The following GET4 variants were observed in gnomAD, a reference collection of about 807,000 sequenced individuals.
GET4 encodes the protein Golgi to ER traffic protein 4 homolog.
A neutral mutation model predicts 40.0 loss-of-function variants in GET4; 20 were observed. That is an observed-to-expected ratio of 0.50 (90% CI 0.35 to 0.73). The LOEUF (loss-of-function observed/expected upper bound fraction) is 0.73. Ranked by LOEUF, GET4 falls within the 30% of genes least tolerant of loss-of-function variation. The probability of loss-of-function intolerance (pLI) is 0.01; values close to 1 mark genes in which losing one functional copy is unlikely to be tolerated. For synonymous variants in GET4, 280 were observed against 194.6 expected, an observed-to-expected ratio of 1.44 and a Z score of -3.65; for missense variants, 557 against 454.0, an observed-to-expected ratio of 1.23 and a Z score of -2.06.
chr7:877,226 C>T (rs1180910197), intron 1 of GET4, among the ~76,000 whole-genome samples: 3 of 134,418 alleles, frequency 2.2e-5, no homozygotes, highest in Non-Finnish European at 3.1e-5. Context: ...TCTCTCTGGC[C>T]TTCTCCTTCT....
chr7:876,734 T>C lies in GET4; in HGVS notation c.89T>C (p.Leu30Pro), dbSNP rs2128625523. The C allele has an allele frequency of 7.2e-7, 1 of 1,379,718 alleles. No individual in the cohort carries two copies. The highest frequency in any genetic ancestry group is 9.5e-7 in the Non-Finnish European group (1 of 1,051,302). The allele number at this position is 1,379,718 out of a possible 1,614,324, so 85.5% of individuals were successfully genotyped here. A position where few individuals can be genotyped will look rare whatever the true frequency, so the allele number is the denominator to read the frequency against. Residue 30 changes from leucine (L) to proline (P), a missense_variant, in exon 1 of 9, where the codon CTG (leucine) becomes CCG (proline). Physicochemically the swap from Leu to Pro is moderately conservative, Grantham distance 98. Coordinates refer to ENST00000265857, the MANE Select transcript of GET4 (RefSeq NM_015949.3). ...RGGVQRVEGK[L>P]RASVEKGDYY... ...GGCGTCCAGCGTGTGGAGGGCAAGC[T>C]GCGCGCCAGCGTCGAGAAGGGCGAC... is the stretch of plus-strand genomic sequence containing the variant.
At chr7:881,489 T>G (rs1033007633) in intron 1 of GET4, 91 of 152,264 alleles carry the variant, frequency 6.0e-4, no homozygotes, top group African/African-American at 1.8e-3. Context: ...GCTGGGAGAC[T>G]CCTCCTGGAG....
At chr7:886,340 G>T in intron 2 of GET4, 1 of 605,208 alleles carries the variant, frequency 1.7e-6, no homozygotes, top group Non-Finnish European at 2.9e-6. Context: ...GTTTGTGCAC[G>T]ATGGGGCTGA....
chr7:885,246 T>C (rs1425463828), intron 1 of GET4: 2 of 152,204 alleles, frequency 1.3e-5, no homozygotes, highest in Non-Finnish European at 2.9e-5. Flanking sequence ...TGAAATAACA[T>C]GTTCTGGGCC....
intron 1 of GET4, chr7:884,308 G>T (rs1025446275): frequency 2.4e-5 from 31 of 1,304,030 alleles, no homozygotes; most frequent in Non-Finnish European, 2.9e-5. Context: ...GGCCTCCTCT[G>T]AGTCAGTCAT....
chr7:894,261 C>A (rs557337353), intron 8 of GET4, among the ~76,000 whole-genome samples: 1 of 152,186 alleles, frequency 6.6e-6, no homozygotes, highest in South Asian at 2.1e-4. Flanking sequence ...CCCCGTCTCT[C>A]TGTGCGCCAT....
chr7:879,492 T>C lies in GET4; in HGVS notation c.155+2692T>C, dbSNP rs547211809. Among the ~76,000 whole-genome samples, 449 of 152,350 alleles carry C rather than the reference T, an allele frequency of 2.9e-3. 2 individuals are homozygous for C. Among genetic ancestry groups the C allele is most frequent in the Non-Finnish European group, 3.5e-3 (237 of 68,016 alleles). ...ATCTGTGTTTAGTGTTCACATTGTTTGTACGGACCTACTGAGCAGCCCGGG... is the reference window on the plus strand; with the variant it reads ...ATCTGTGTTTAGTGTTCACATTGTTCGTACGGACCTACTGAGCAGCCCGGG... On this transcript the variant is annotated intron_variant, in intron 1 of 8. Coordinates refer to ENST00000265857, the MANE Select transcript of GET4 (RefSeq NM_015949.3).
intron 1 of GET4, among the ~76,000 whole-genome samples, chr7:877,355 C>T (rs1249379158): frequency 6.0e-5 from 7 of 117,484 alleles, no homozygotes; most frequent in Admixed American, 1.7e-4. Flanking sequence ...CTCTCGCCGT[C>T]CTCCCCCTGC....
chr7:894,559 A>C (rs984607140), intron 8 of GET4, among the ~76,000 whole-genome samples: 1 of 151,334 alleles, frequency 6.6e-6, no homozygotes. Context: ...TGCCCCCCCC[A>C]GACACCCTGG....
At chr7:883,835 GC>G in intron 1 of GET4, 3 of 1,016,150 alleles carry the variant, frequency 3.0e-6, no homozygotes, top group Non-Finnish European at 3.5e-6. Context: ...GTTCAGAGCC[GC>G]CTTAGACGGT....
intron 1 of GET4, chr7:884,348 G>T: frequency 7.7e-7 from 1 of 1,303,666 alleles, no homozygotes; most frequent in Non-Finnish European, 1.0e-6. Flanking sequence ...TAGGACGGCC[G>T]GTCACAGAGT....
At chr7:891,162 G>T (rs1844313633) in intron 5 of GET4, 96 bp downstream of exon 5, 18 of 979,762 alleles carry the variant, frequency 1.8e-5, no homozygotes, top group Middle Eastern at 3.2e-4. Context: ...GAGCCGAGCT[G>T]CAGGATAAAC....
At position 886,785 on chromosome 7, in the gene GET4, G is replaced by A. The variant is rs552322419; in HGVS notation, c.316+135G>A. ...TGGGGTGAACTCTGCTGCAGAGGCA[G>A]TTCCCACCCGGTCTCAGTGAGCCAG... On this transcript the variant is annotated intron_variant, in intron 3 of 8. Coordinates refer to ENST00000265857, the MANE Select transcript of GET4 (RefSeq NM_015949.3). The A allele has an allele frequency of 4.7e-5, 31 of 663,668 alleles. No individual in the cohort carries two copies. The African/African-American group carries it at 5.2e-4, about 11-fold the overall frequency. 41.1% of individuals were successfully genotyped at this position (663,668 alleles called of 1,614,324 possible). A position where few individuals can be genotyped will look rare whatever the true frequency, so the allele number is the denominator to read the frequency against.
chr7:896,224 T>C lies in GET4; in HGVS notation c.*802T>C, dbSNP rs892287391. The C allele has an allele frequency of 1.3e-5, 2 of 152,178 alleles. No individual in the cohort carries two copies. The highest frequency in any genetic ancestry group is 4.8e-5 in the African/African-American group (2 of 41,434). The allele number at this position is 152,178 out of a possible 1,614,324, so 9.4% of individuals were successfully genotyped here. A position where few individuals can be genotyped will look rare whatever the true frequency, so the allele number is the denominator to read the frequency against. ...TTTAACCAAATAACCGGTCCAGGAG[T>C]GAGCAGCTCCGTTCTGTCAGATGCT... is the stretch of plus-strand genomic sequence containing the variant. On this transcript the variant is annotated 3_prime_UTR_variant, in exon 9 of 9. Transcript: ENST00000265857.
intron 1 of GET4, among the ~76,000 whole-genome samples, chr7:877,436 C>T (rs1294344817): frequency 8.6e-6 from 1 of 116,114 alleles, no homozygotes; most frequent in Non-Finnish European, 1.8e-5. Flanking sequence ...CCTGCCCTCA[C>T]TCCCGTCTCT....
At chr7:890,882 T>G (rs978609798) in intron 4 of GET4, 46 bp from the exon 5 acceptor site, 2 of 1,434,568 alleles carry the variant, frequency 1.4e-6, no homozygotes, top group Non-Finnish European at 2.0e-6. Context: ...CTTTTCTGTG[T>G]TATATTCGTG....
In GET4 at chr7:895,763, G is replaced by T. The variant is rs527282783; in HGVS notation, c.*341G>T. 5.6e-6 allele frequency: 1 copy of T among 178,794 alleles called. No individual in the cohort carries two copies. The allele number at this position is 178,794 out of a possible 1,614,324, so 11.1% of individuals were successfully genotyped here. On this transcript the variant is annotated 3_prime_UTR_variant, in exon 9 of 9. Coordinates refer to ENST00000265857, the MANE Select transcript of GET4 (RefSeq NM_015949.3). ...TGGGCAGCACAGGAGGCCCGTCCTCGGGGGGCTGCGCACATCACGCTCCTT... is the reference window on the plus strand; with the variant it reads ...TGGGCAGCACAGGAGGCCCGTCCTCTGGGGGCTGCGCACATCACGCTCCTT...
intron 1 of GET4, 102 bp downstream of exon 1, chr7:876,902 C>T (rs1343755517): frequency 5.3e-6 from 3 of 562,100 alleles, no homozygotes; most frequent in South Asian, 7.4e-5. Context: ...CGCCGCTGCC[C>T]GTCGCGGGGG....
At position 893,893 on chromosome 7, in the gene GET4, T is replaced by A. The variant is rs1253842714; in HGVS notation, c.823-6T>A. On this transcript the variant is annotated splice_region_variant and splice_polypyrimidine_tract_variant and intron_variant, in intron 7 of 8. Coordinates refer to ENST00000265857, the MANE Select transcript of GET4 (RefSeq NM_015949.3). The stretch of plus-strand genomic sequence containing the variant: ...CCCCTCTGAGCCCGCTGCCTGTGCC[T>A]TGCAGTACCTCGACCGCATAGGACA... 6.2e-7 allele frequency: 1 copy of A among 1,612,232 alleles called. No homozygotes were observed. Among genetic ancestry groups the A allele is most frequent in the African/African-American group, 1.3e-5 (1 of 74,882 alleles).
Sources: allele counts gnomAD v4.1 joint callset (sites outside exome capture counted in the v4.1 genomes callset), GRCh38; gene constraint gnomAD v4.1.1; transcripts MANE v1.5; gene names NCBI Gene and HGNC (gene_info 2026-07-23, HGNC 2026-07-21).